The following SDK1 variants were observed in gnomAD, a reference collection of about 807,000 sequenced individuals.
SDK1 encodes the protein sidekick cell adhesion molecule 1, also known as protein sidekick-1.
SDK1 carries 157 observed loss-of-function variants against 245.5 expected under a neutral mutation model. The ratio of observed to expected loss-of-function variants is 0.64; its 90% CI spans 0.56 to 0.73. SDK1 has a LOEUF of 0.73. SDK1 is among the 30% of genes least tolerant of loss of function. The probability of loss-of-function intolerance (pLI) is 0.00; values close to 1 mark genes in which losing one functional copy is unlikely to be tolerated. For missense variants in SDK1, 3,583 were observed against 3,002.3 expected (o/e 1.19, Z -4.52); for synonymous variants, 1,647 against 1,278.5 (o/e 1.29, Z -6.15).
chr7:4,005,475 T>A lies in SDK1; in HGVS notation c.2132-5491T>A, dbSNP rs532253486. On this transcript the variant is annotated intron_variant, in intron 14 of 44. Coordinates refer to ENST00000404826, the MANE Select transcript of SDK1 (RefSeq NM_152744.4). ...GGTATTGCAGGTACTTCCTGCTGCA[T>A]CACCCAAGGAGGCACATGACACCAG... Among the ~76,000 whole-genome samples the A allele has an allele frequency of 1.6e-4, 24 of 149,570 alleles. No homozygotes were observed. The South Asian group carries it at 4.1e-3, about 26-fold the overall frequency.
rs565826977 is a variant in SDK1, at chr7:4,203,240, C to T, written c.5099-2639C>T. Among the ~76,000 whole-genome samples, 5 of 152,348 alleles carry T rather than the reference C, an allele frequency of 3.3e-5. No homozygotes were observed. In the East Asian group the frequency reaches 7.7e-4, roughly 24 times the overall value. ...AGAAATGTCAGGAATTCCACGATGGCTGTCAGGTGAGGGTCCCTCCAGAAG... is the reference window on the plus strand; with the variant it reads ...AGAAATGTCAGGAATTCCACGATGGTTGTCAGGTGAGGGTCCCTCCAGAAG... On this transcript the variant is annotated intron_variant, in intron 35 of 44. Coordinates refer to ENST00000404826, the MANE Select transcript of SDK1 (RefSeq NM_152744.4).
intron 1 of SDK1, among the ~76,000 whole-genome samples, chr7:3,449,717 A>C (rs1428750405): frequency 6.6e-6 from 1 of 152,216 alleles, no homozygotes; most frequent in Non-Finnish European, 1.5e-5. Flanking sequence ...AAAGACACTG[A>C]GCGGCAGAGA....
At chr7:3,620,965 A>G (rs1244669100) in intron 2 of SDK1, among the ~76,000 whole-genome samples, 2 of 152,162 alleles carry the variant, frequency 1.3e-5, no homozygotes, top group Non-Finnish European at 2.9e-5. Flanking sequence ...CCTGAATCCT[A>G]GGACTGGCAG....
At chr7:3,969,759 GAATT>G (rs1177387674) in intron 11 of SDK1, among the ~76,000 whole-genome samples, 1 of 152,068 alleles carries the variant, frequency 6.6e-6, no homozygotes, top group Non-Finnish European at 1.5e-5. Context: ...AGAAAATTAA[GAATT>G]AAAATCCTAA....
At chr7:4,052,521 C>G (rs1264685051) in intron 19 of SDK1, among the ~76,000 whole-genome samples, 1 of 151,958 alleles carries the variant, frequency 6.6e-6, no homozygotes, top group Non-Finnish European at 1.5e-5. Flanking sequence ...GTTGAAAAAA[C>G]GAAACTCTGA....
chr7:4,265,041 C>A, intron 44 of SDK1, 83 bp from the exon 45 acceptor site: 3 of 1,536,874 alleles, frequency 2.0e-6, no homozygotes, highest in South Asian at 1.2e-5. Flanking sequence ...GGGGAGGTGC[C>A]CCCACCGCCA....
chr7:4,120,368 T>C (rs761010017), intron 25 of SDK1, among the ~76,000 whole-genome samples: 3 of 148,504 alleles, frequency 2.0e-5, no homozygotes, highest in Non-Finnish European at 4.5e-5. Context: ...TTAAAAACAA[T>C]TGGAGTGAAA....
chr7:3,676,113 A>C (rs558862518), intron 4 of SDK1, among the ~76,000 whole-genome samples: 1 of 151,080 alleles, frequency 6.6e-6, no homozygotes, highest in South Asian at 2.1e-4. Context: ...CTACAGGTGC[A>C]TGCCATCACA....
chr7:3,361,015 AC>A lies in SDK1; in HGVS notation c.298+59132del, dbSNP rs1562440237. 2.6e-5 allele frequency among the ~76,000 whole-genome samples: 4 copies of A among 152,350 alleles called. No individual in the cohort carries two copies. The South Asian group carries it at 8.3e-4, about 32-fold the overall frequency. ...GAAACAAAATGGTGTGTTGGGAGTT[AC>A]ATCCATCATCTTTCCCCTTTGGTTG... is the stretch of plus-strand genomic sequence containing the variant. On this transcript the variant is annotated intron_variant, in intron 1 of 44. Transcript: ENST00000404826.
chr7:3,968,403 C>T (rs1254720424), intron 10 of SDK1, among the ~76,000 whole-genome samples: 1 of 152,146 alleles, frequency 6.6e-6, no homozygotes, highest in African/African-American at 2.4e-5. Context: ...ATCGGGCTGA[C>T]ATGCCAAAAG....
intron 40 of SDK1, among the ~76,000 whole-genome samples, chr7:4,222,694 G>A (rs1562452311): frequency 6.6e-6 from 1 of 152,160 alleles, no homozygotes; most frequent in Non-Finnish European, 1.5e-5. Context: ...AAATCCAGAC[G>A]TGCTCGCCTG....
chr7:3,522,447 C>T (rs1782971183), intron 1 of SDK1, among the ~76,000 whole-genome samples: 1 of 152,154 alleles, frequency 6.6e-6, no homozygotes, highest in Admixed American at 6.5e-5. Context: ...AATCTTCAGA[C>T]CCACAGCTTA....
chr7:3,303,091 C>G (rs1779323452), intron 1 of SDK1, among the ~76,000 whole-genome samples: 1 of 152,162 alleles, frequency 6.6e-6, no homozygotes, highest in Non-Finnish European at 1.5e-5. Flanking sequence ...TAAATGCTCC[C>G]TCTTATGTTT....
At chr7:3,303,528 T>C (rs1009286257) in intron 1 of SDK1, among the ~76,000 whole-genome samples, 2 of 151,960 alleles carry the variant, frequency 1.3e-5, no homozygotes, top group African/African-American at 2.4e-5. Context: ...ACTGAAATGT[T>C]AATGAAAATA....
chr7:3,449,575 C>A (rs984139173), intron 1 of SDK1, among the ~76,000 whole-genome samples: 2 of 152,184 alleles, frequency 1.3e-5, no homozygotes, highest in Non-Finnish European at 2.9e-5. Context: ...ACAAAGAATT[C>A]TTCTGTAAAC....
At chr7:3,765,504 T>G (rs889845008) in intron 4 of SDK1, among the ~76,000 whole-genome samples, 2 of 152,220 alleles carry the variant, frequency 1.3e-5, no homozygotes, top group Non-Finnish European at 2.9e-5. Context: ...GTGAATGGTT[T>G]GTTTTCTTTC....
intron 1 of SDK1, among the ~76,000 whole-genome samples, chr7:3,443,386 A>G (rs890954974): frequency 6.6e-6 from 1 of 152,212 alleles, no homozygotes; most frequent in Non-Finnish European, 1.5e-5. Flanking sequence ...AAAATTTGGA[A>G]TAGTTGAAGA....
chr7:3,848,671 T>C (rs1780341347), intron 5 of SDK1, among the ~76,000 whole-genome samples: 1 of 151,676 alleles, frequency 6.6e-6, no homozygotes, highest in African/African-American at 2.4e-5. Flanking sequence ...AGAGTTGTCT[T>C]TTCTTTTTTT....
chr7:4,208,931 C>T (rs904306946), intron 37 of SDK1, among the ~76,000 whole-genome samples: 4 of 152,222 alleles, frequency 2.6e-5, no homozygotes, highest in Non-Finnish European at 4.4e-5. Flanking sequence ...TGGCCTTGGG[C>T]TCTGAGGAGC....
Sources: allele counts gnomAD v4.1 joint callset (sites outside exome capture counted in the v4.1 genomes callset), GRCh38; gene constraint gnomAD v4.1.1; transcripts MANE v1.5; gene names NCBI Gene and HGNC (gene_info 2026-07-23, HGNC 2026-07-21).